Variants in ENDOD1 observed in about 807,000 individuals in gnomAD.
ENDOD1 encodes endonuclease domain-containing 1 protein.
Under a neutral mutation model 6.5 loss-of-function variants are expected in ENDOD1, and 9 were observed. The ratio of observed to expected loss-of-function variants is 1.39; its 90% CI spans 0.84 to 2.43. ENDOD1 has a LOEUF of 2.43. Ranked by LOEUF, ENDOD1 falls within the 30% of genes most tolerant of loss-of-function variation. The pLI, the probability that ENDOD1 is intolerant of heterozygous loss-of-function variation, is 0.00. For missense variants in ENDOD1, 648 were observed against 635.5 expected (o/e 1.02, Z -0.21); for synonymous variants, 255 against 255.2 (o/e 1.00, Z 0.01).
chr11:95,130,324 C>CT lies in ENDOD1; in HGVS notation c.*755dup, dbSNP rs544568928. ...GAATTGAAGGGCAAAGTTTTCTTTT[C>CT]TTTTTTTTTTGGGCCCCTTGAATGG... is the stretch of plus-strand genomic sequence containing the variant. On this transcript the variant is annotated 3_prime_UTR_variant, in exon 2 of 2. Coordinates refer to ENST00000278505, the MANE Select transcript of ENDOD1 (RefSeq NM_015036.3). 65,638 of 147,694 alleles carry CT rather than the reference C, an allele frequency of 0.44. 14,622 individuals carry two copies. The highest frequency in any genetic ancestry group is 0.77 in the East Asian group (3,882 of 5,052). The allele number at this position is 147,694 out of a possible 1,614,324, so 9.1% of individuals were successfully genotyped here.
At chr11:95,093,020 T>C (rs1344921791) in intron 1 of ENDOD1, among the ~76,000 whole-genome samples, 1 of 152,170 alleles carries the variant, frequency 6.6e-6, no homozygotes, top group East Asian at 1.9e-4. Flanking sequence ...GACACTGAAT[T>C]CCCAAAGCCC....
chr11:95,122,725 A>G (rs889136417), intron 1 of ENDOD1, among the ~76,000 whole-genome samples: 28 of 151,986 alleles, frequency 1.8e-4, no homozygotes, highest in African/African-American at 6.5e-4. Context: ...TGGTATACTG[A>G]TTTTATTTAG....
At chr11:95,091,466 G>T (rs1858930405) in intron 1 of ENDOD1, among the ~76,000 whole-genome samples, 1 of 152,176 alleles carries the variant, frequency 6.6e-6, no homozygotes, top group African/African-American at 2.4e-5. Flanking sequence ...TGAAAAAGAC[G>T]TTGTCAGTTG....
intron 1 of ENDOD1, among the ~76,000 whole-genome samples, chr11:95,099,759 G>A (rs188398188): frequency 1.3e-5 from 2 of 152,214 alleles, no homozygotes; most frequent in Admixed American, 1.3e-4. Context: ...TCCCTATACC[G>A]ACTTTATCAC....
intron 1 of ENDOD1, among the ~76,000 whole-genome samples, chr11:95,125,905 C>T (rs1193904094): frequency 6.6e-6 from 1 of 152,062 alleles, no homozygotes; most frequent in African/African-American, 2.4e-5. Context: ...AGTAAACATA[C>T]GTGTGCATGT....
Position 95,128,405 on chromosome 11 carries a change from A to T in ENDOD1, c.329A>T (p.Glu110Val). 2 of 1,613,842 alleles carry T rather than the reference A, an allele frequency of 1.2e-6. No individual in the cohort carries two copies. Among genetic ancestry groups the T allele is most frequent in the African/African-American group, 1.3e-5 (1 of 75,040 alleles). The change falls in exon 2 of 2, where the codon GAG becomes GTG. Residue 110 changes from glutamate (E) to valine (V), a missense_variant. By Grantham distance (121) the Glu-to-Val change is moderately radical. Coordinates refer to ENST00000278505, the MANE Select transcript of ENDOD1 (RefSeq NM_015036.3). ...QIDDPNSNLE[E>V]AINEAEAITS... The stretch of plus-strand genomic sequence containing the variant: ...GATGACCCCAACAGCAACCTTGAGG[A>T]GGCGATTAATGAGGCAGAGGCCATC...
chr11:95,110,583 A>ATGTGTGTG (rs35270641), intron 1 of ENDOD1, among the ~76,000 whole-genome samples: 3 of 147,688 alleles, frequency 2.0e-5, no homozygotes, highest in Non-Finnish European at 3.0e-5. Context: ...CCGTGTATGT[A>ATGTGTGTG]TGTGTGTGTG....
At chr11:95,123,981 A>G (rs184740922) in intron 1 of ENDOD1, among the ~76,000 whole-genome samples, 5 of 152,206 alleles carry the variant, frequency 3.3e-5, no homozygotes, top group African/African-American at 4.8e-5. Flanking sequence ...TCTCATGATG[A>G]TAAACTCATC....
chr11:95,101,514 T>C (rs1440527302), intron 1 of ENDOD1, among the ~76,000 whole-genome samples: 2 of 150,952 alleles, frequency 1.3e-5, no homozygotes, highest in Non-Finnish European at 3.0e-5. Flanking sequence ...TTATTTACAA[T>C]ACTTAGTTTT....
At chr11:95,111,139 C>G (rs1408082520) in intron 1 of ENDOD1, among the ~76,000 whole-genome samples, 24 of 152,166 alleles carry the variant, frequency 1.6e-4, no homozygotes, top group African/African-American at 5.8e-4. Context: ...TCCTCAGTGA[C>G]AAACTCCCTA....
chr11:95,103,850 T>C (rs894395172), intron 1 of ENDOD1, among the ~76,000 whole-genome samples: 1 of 152,224 alleles, frequency 6.6e-6, no homozygotes, highest in Non-Finnish European at 1.5e-5. Flanking sequence ...TCGGCGCATA[T>C]ATGTTAAGCA....
In ENDOD1 at chr11:95,131,928, G is replaced by A. The variant is rs746900390; in HGVS notation, c.*2349G>A. 1.4e-4 allele frequency: 21 copies of A among 151,872 alleles called. No homozygotes were observed. The highest frequency in any genetic ancestry group is 2.6e-4 in the Non-Finnish European group (18 of 68,018). 9.4% of individuals were successfully genotyped at this position (151,872 alleles called of 1,614,324 possible). A position where few individuals can be genotyped will look rare whatever the true frequency, so the allele number is the denominator to read the frequency against. ...AGGGACAATAAAGCAAAAAGTATCA[G>A]TAAGGATAGGTGGCTGAGACCCACT... On this transcript the variant is annotated 3_prime_UTR_variant, in exon 2 of 2. Transcript: ENST00000278505.
chr11:95,115,429 G>T (rs1369458742), intron 1 of ENDOD1, among the ~76,000 whole-genome samples: 1 of 151,458 alleles, frequency 6.6e-6, no homozygotes, highest in African/African-American at 2.4e-5. Context: ...TTAATATAAG[G>T]TTATATCATC....
At position 95,128,968 on chromosome 11, in the gene ENDOD1, T is replaced by C. The variant is rs1475607054; in HGVS notation, c.892T>C (p.Ser298Pro). ...CCAGGATGAAGAACGAATGGTACAA[T>C]CTCAAAAGAGTTCTAGTCCCCTTTC... is the stretch of plus-strand genomic sequence containing the variant. ...QIQDEERMVQSQKSSSPLSST... is the reference protein window; with the variant it reads ...QIQDEERMVQPQKSSSPLSST... Residue 298 changes from serine to proline, a missense_variant, in exon 2 of 2, where the codon TCT becomes CCT. Coordinates refer to ENST00000278505, the MANE Select transcript of ENDOD1 (RefSeq NM_015036.3). 1 of 1,613,992 alleles carries C rather than the reference T, an allele frequency of 6.2e-7. No individual in the cohort carries two copies. The highest frequency in any genetic ancestry group is 2.2e-5 in the East Asian group (1 of 44,870).
chr11:95,125,348 T>A (rs142751932), intron 1 of ENDOD1, among the ~76,000 whole-genome samples: 132 of 152,346 alleles, frequency 8.7e-4, no homozygotes, highest in African/African-American at 2.9e-3. Context: ...CCTGATCTTA[T>A]GATTCAAAAA....
chr11:95,112,163 G>A (rs1411176572), intron 1 of ENDOD1, among the ~76,000 whole-genome samples: 1 of 152,160 alleles, frequency 6.6e-6, no homozygotes, highest in Non-Finnish European at 1.5e-5. Flanking sequence ...CCTAGCCAAA[G>A]CTTTCTCCTC....
intron 1 of ENDOD1, among the ~76,000 whole-genome samples, chr11:95,107,291 G>A (rs1291791808): frequency 4.0e-5 from 6 of 150,390 alleles, no homozygotes; most frequent in Admixed American, 3.3e-4. Context: ...CAGAGATCGG[G>A]ACACTACCCT....
At chr11:95,107,976 A>G (rs984876007) in intron 1 of ENDOD1, among the ~76,000 whole-genome samples, 37 of 152,226 alleles carry the variant, frequency 2.4e-4, no homozygotes, top group African/African-American at 8.4e-4. Context: ...CGGAGTCCGC[A>G]CATTTTCTTA....
rs890134251 is a variant in ENDOD1 at position 95,089,933 on chromosome 11, C to T, written c.6C>T (p.Gly2=). The T allele has an allele frequency of 7.0e-7, 1 of 1,428,700 alleles. No homozygotes were observed. The highest frequency in any genetic ancestry group is 9.2e-7 in the Non-Finnish European group (1 of 1,082,276). The allele number at this position is 1,428,700 out of a possible 1,614,324, so 88.5% of individuals were successfully genotyped here. A position where few individuals can be genotyped will look rare whatever the true frequency, so the allele number is the denominator to read the frequency against. Residue 2 remains glycine, a synonymous_variant, in exon 1 of 2, where the codon GGC becomes GGT. Transcript: ENST00000278505. M[G]TARWLALGSL... is the part of the protein sequence containing the mutation. ...CCGCGCTCGCAGAGGCCGCCATGGG[C>T]ACCGCGCGCTGGCTCGCGCTGGGCA...
Sources: gnomAD v4.1 joint callset for allele counts (sites outside exome capture counted in the v4.1 genomes callset) on GRCh38, gnomAD v4.1.1 for gene constraint, MANE v1.5 for transcripts, NCBI Gene and HGNC (gene_info 2026-07-23, HGNC 2026-07-21) for gene names.